The following NDUFS1 variants were observed in gnomAD, a reference collection of about 807,000 sequenced individuals.
NDUFS1 encodes the protein NADH:ubiquinone oxidoreductase core subunit S1, also known as NADH-ubiquinone oxidoreductase 75 kDa subunit, mitochondrial.
Under a neutral mutation model 84.4 loss-of-function variants are expected in NDUFS1, and 61 were observed. The ratio of observed to expected loss-of-function variants is 0.72; its 90% CI spans 0.59 to 0.89. NDUFS1 has a LOEUF of 0.89. Among genes scored for constraint, NDUFS1 ranks in the 40% least tolerant of loss-of-function variants. NDUFS1 has a pLI of 0.00. For synonymous variants in NDUFS1, 275 were observed against 290.0 expected, an observed-to-expected ratio of 0.95 and a Z score of 0.53; for missense variants, 891 against 890.0, an observed-to-expected ratio of 1.00 and a Z score of -0.01.
chr2:206,116,215 A>G lies in NDUFS1; in HGVS notation c.*7970T>C. On this transcript the variant is annotated 3_prime_UTR_variant, in exon 19 of 19. Transcript: ENST00000233190. Reference sequence around the variant, plus strand: ...TCATCTTGATCAGCCAACCATCTTCATAACGAGATTTGTTTACAAGTCCTG... The same window carrying G: ...TCATCTTGATCAGCCAACCATCTTCGTAACGAGATTTGTTTACAAGTCCTG... 6 of 1,375,862 alleles carry G rather than the reference A, an allele frequency of 4.4e-6. No individual in the cohort carries two copies. Among genetic ancestry groups the G allele is most frequent in the Non-Finnish European group, 6.2e-6 (6 of 962,870 alleles). The allele number at this position is 1,375,862 out of a possible 1,614,324, so 85.2% of individuals were successfully genotyped here. A position where few individuals can be genotyped will look rare whatever the true frequency, so the allele number is the denominator to read the frequency against.
In NDUFS1 at chr2:206,124,072, CAT is replaced by C. The variant is rs1342049137; in HGVS notation, c.*111_*112del. ...AGGCATAGTATAACCTTAAATATTA[CAT>C]GATTCAAATTATTATTATTTTTTTT... On this transcript the variant is annotated 3_prime_UTR_variant, in exon 19 of 19. Coordinates refer to ENST00000233190, the MANE Select transcript of NDUFS1 (RefSeq NM_005006.7). 1 of 754,980 alleles carries C rather than the reference CAT, an allele frequency of 1.3e-6. No individual in the cohort carries two copies. The highest frequency in any genetic ancestry group is 2.7e-5 in the East Asian group (1 of 37,088). 46.8% of individuals were successfully genotyped at this position (754,980 alleles called of 1,614,324 possible). A position where few individuals can be genotyped will look rare whatever the true frequency, so the allele number is the denominator to read the frequency against.
At chr2:206,159,079 G>A in intron 1 of NDUFS1, 1 of 1,535,604 alleles carries the variant, frequency 6.5e-7, no homozygotes, top group South Asian at 1.2e-5. Flanking sequence ...CAGAGGGAAG[G>A]TCACCTGCAA....
Position 206,152,394 on chromosome 2 carries a change from C to G in NDUFS1, c.153+25G>C, listed in dbSNP as rs376785159. On this transcript the variant is annotated intron_variant, in intron 3 of 18. Coordinates refer to ENST00000233190, the MANE Select transcript of NDUFS1 (RefSeq NM_005006.7). Reference sequence around the variant, plus strand: ...TTTTAAAAAAATCAGAACACACACACAAAATAGTTAGAATGTATGCCTACT... The same window carrying G: ...TTTTAAAAAAATCAGAACACACACAGAAAATAGTTAGAATGTATGCCTACT... The G allele has an allele frequency of 1.3e-5, 20 of 1,585,596 alleles. No individual in the cohort carries two copies. In the African/African-American group the frequency reaches 2.7e-4, roughly 21 times the overall value.
intron 3 of NDUFS1, 129 bp from the exon 4 acceptor site, chr2:206,150,054 T>TATC (rs79839685): frequency 5.5e-5 from 40 of 724,348 alleles, no homozygotes; most frequent in Admixed American, 2.0e-4. Context: ...TCTATCTATC[T>TATC]TAATTCATTC....
chr2:206,147,717 G>A, intron 6 of NDUFS1, 36 bp downstream of exon 6: 1 of 1,613,796 alleles, frequency 6.2e-7, no homozygotes, highest in South Asian at 1.1e-5. Flanking sequence ...TAAAATCTGA[G>A]ACAACCAAAA....
intron 5 of NDUFS1, 139 bp downstream of exon 5, chr2:206,148,881 T>G (rs1692260325): frequency 4.4e-6 from 3 of 681,700 alleles, no homozygotes; most frequent in Non-Finnish European, 7.9e-6. Flanking sequence ...AGTACTCACT[T>G]CTATTGCTCC....
At chr2:206,144,863 A>G in intron 9 of NDUFS1, 29 bp downstream of exon 9, 1 of 1,607,258 alleles carries the variant, frequency 6.2e-7, no homozygotes, top group Non-Finnish European at 8.5e-7. Flanking sequence ...ATAAACTGTA[A>G]AAGTTAAGGA....
intron 13 of NDUFS1, 53 bp from the exon 14 acceptor site, chr2:206,133,158 C>T (rs1043180429): frequency 9.0e-6 from 13 of 1,440,176 alleles, no homozygotes; most frequent in African/African-American, 1.4e-5. Flanking sequence ...GTAAGCTGAA[C>T]ACCAAACCAT....
intron 16 of NDUFS1, among the ~76,000 whole-genome samples, chr2:206,127,141 T>C (rs1691324376): frequency 6.6e-6 from 1 of 152,252 alleles, no homozygotes; most frequent in Non-Finnish European, 1.5e-5. Flanking sequence ...TTACAATGTG[T>C]TATTATTTTA....
At chr2:206,125,164 C>G (rs907620029) in intron 18 of NDUFS1, among the ~76,000 whole-genome samples, 6 of 151,924 alleles carry the variant, frequency 3.9e-5, no homozygotes. Context: ...CCTTCTGTTT[C>G]ACTAAAAAAT....
At chr2:206,150,023 T>TTCTACCTATCTATCTATCTA (rs1692312202) in intron 3 of NDUFS1, 98 bp from the exon 4 acceptor site, 1 of 688,942 alleles carries the variant, frequency 1.5e-6, no homozygotes, top group African/African-American at 1.9e-5. Context: ...ATCTTATTAC[T>TTCTACCTATCTATCTATCTA]TCTATCTATC....
In NDUFS1 at chr2:206,116,552, G is replaced by C. The variant is rs1192710442; in HGVS notation, c.*7633C>G. 1.4e-6 allele frequency: 1 copy of C among 718,246 alleles called. No homozygotes were observed. The highest frequency in any genetic ancestry group is 2.3e-6 in the Non-Finnish European group (1 of 429,116). 44.5% of individuals were successfully genotyped at this position (718,246 alleles called of 1,614,324 possible). A position where few individuals can be genotyped will look rare whatever the true frequency, so the allele number is the denominator to read the frequency against. Reference sequence around the variant, plus strand: ...GCTACGCCTCAGCCACTCGCGCGGGGAGGCGGGGCGGTGTGGGCAGAAGTA... The same window carrying C: ...GCTACGCCTCAGCCACTCGCGCGGGCAGGCGGGGCGGTGTGGGCAGAAGTA... On this transcript the variant is annotated 3_prime_UTR_variant, in exon 19 of 19. Transcript: ENST00000233190.
chr2:206,152,310 G>A (rs750061913), intron 3 of NDUFS1, 109 bp downstream of exon 3: 4 of 825,570 alleles, frequency 4.8e-6, no homozygotes, highest in Non-Finnish European at 8.1e-6. Context: ...ACTTTGCTGT[G>A]TATAGTTATT....
At position 206,155,620 on chromosome 2, in the gene NDUFS1, G is replaced by A. The variant is rs150213461; in HGVS notation, c.-4-1938C>T. 3.3e-3 allele frequency among the ~76,000 whole-genome samples: 499 copies of A among 152,032 alleles called. 2 individuals are homozygous for A. Among genetic ancestry groups the A allele is most frequent in the Middle Eastern group, 6.8e-3 (2 of 292 alleles). On this transcript the variant is annotated intron_variant, in intron 1 of 18. Transcript: ENST00000233190. Reference sequence around the variant, plus strand: ...TTTAGTAGAGACAGGGTTTCGCCACGTTGGCCAAGGTGGTCCTGAAGTCCT... The same window carrying A: ...TTTAGTAGAGACAGGGTTTCGCCACATTGGCCAAGGTGGTCCTGAAGTCCT...
chr2:206,147,940 TGGTGTCTC>T, intron 5 of NDUFS1, 106 bp from the exon 6 acceptor site: 1 of 1,020,244 alleles, frequency 9.8e-7, no homozygotes, highest in Non-Finnish European at 1.5e-6. Flanking sequence ...TTTTTTGAGA[TGGTGTCTC>T]GCTCTGTTGC....
At chr2:206,144,261 T>C in intron 9 of NDUFS1, 129 bp from the exon 10 acceptor site, 1 of 681,778 alleles carries the variant, frequency 1.5e-6, no homozygotes. Context: ...AACACCTAGA[T>C]ACAAGTAATT....
At chr2:206,128,188 T>C (rs1691367055) in intron 15 of NDUFS1, among the ~76,000 whole-genome samples, 1 of 151,670 alleles carries the variant, frequency 6.6e-6, no homozygotes. Flanking sequence ...TTTTTTGAGA[T>C]GGAGTCTCGC....
intron 2 of NDUFS1, among the ~76,000 whole-genome samples, chr2:206,152,902 C>T (rs769031724): frequency 3.3e-5 from 5 of 151,880 alleles, no homozygotes; most frequent in Non-Finnish European, 4.4e-5. Context: ...CAGGGTTTCG[C>T]CATATTGGCC....
chr2:206,149,615 G>A (rs1319248417), intron 4 of NDUFS1, among the ~76,000 whole-genome samples: 1 of 151,774 alleles, frequency 6.6e-6, no homozygotes, highest in Non-Finnish European at 1.5e-5. Context: ...ACAATTATAT[G>A]ACATGTGTTT....
Sources: gnomAD v4.1 joint callset for allele counts (sites outside exome capture counted in the v4.1 genomes callset) on GRCh38, gnomAD v4.1.1 for gene constraint, MANE v1.5 for transcripts, NCBI Gene and HGNC (gene_info 2026-07-23, HGNC 2026-07-21) for gene names.